The following RCOR1 variants were observed in gnomAD, a reference collection of about 807,000 sequenced individuals.
The protein encoded by RCOR1 is REST corepressor 1, also known as REST corepressor.
Under a neutral mutation model 64.0 loss-of-function variants are expected in RCOR1, and 12 were observed. The observed-to-expected ratio is 0.19, with a 90% CI of 0.12 to 0.30. RCOR1 has a LOEUF of 0.30. Among genes scored for constraint, RCOR1 ranks in the 10% least tolerant of loss-of-function variants. The pLI, the probability that RCOR1 is intolerant of heterozygous loss-of-function variation, is 1.00. For missense variants in RCOR1, 502 were observed against 621.2 expected, an observed-to-expected ratio of 0.81 and a Z score of 2.04; for synonymous variants, 279 against 227.2, an observed-to-expected ratio of 1.23 and a Z score of -2.05.
At chr14:102,612,547 G>T (rs1310459531) in intron 2 of RCOR1, among the ~76,000 whole-genome samples, 1 of 151,890 alleles carries the variant, frequency 6.6e-6, no homozygotes, top group Non-Finnish European at 1.5e-5. Flanking sequence ...TGTTACCCAG[G>T]CTGCTCTTGA....
intron 2 of RCOR1, among the ~76,000 whole-genome samples, chr14:102,617,792 A>G (rs1893792392): frequency 6.6e-6 from 1 of 151,072 alleles, no homozygotes; most frequent in East Asian, 1.9e-4. Flanking sequence ...GTTTCACCAT[A>G]TTGGCCAGAC....
intron 4 of RCOR1, among the ~76,000 whole-genome samples, chr14:102,706,126 A>C (rs1394696955): frequency 3.7e-4 from 54 of 147,876 alleles, no homozygotes; most frequent in Non-Finnish European, 6.6e-4. Context: ...AAAAAAAAAA[A>C]AAAAAAAAAA....
intron 2 of RCOR1, among the ~76,000 whole-genome samples, chr14:102,610,575 G>A (rs1375168059): frequency 1.3e-5 from 2 of 151,954 alleles, no homozygotes; most frequent in Non-Finnish European, 2.9e-5. Context: ...TTATTTTTGT[G>A]TGTGTGTGAC....
At chr14:102,593,477 C>T in intron 2 of RCOR1, 152 bp downstream of exon 2, 4 of 844,160 alleles carry the variant, frequency 4.7e-6, no homozygotes, top group Non-Finnish European at 5.1e-6. Context: ...GACGAGGAGG[C>T]GCACACGCAC....
At chr14:102,658,454 C>T in intron 2 of RCOR1, 1 of 912,076 alleles carries the variant, frequency 1.1e-6, no homozygotes, top group Non-Finnish European at 1.3e-6. Context: ...CACCATTGCA[C>T]TCCAGGCTGG....
At chr14:102,642,569 T>C (rs1352144874) in intron 2 of RCOR1, among the ~76,000 whole-genome samples, 2 of 152,200 alleles carry the variant, frequency 1.3e-5, no homozygotes, top group Non-Finnish European at 2.9e-5. Flanking sequence ...GCATGGTGGC[T>C]CACACCTGTA....
At chr14:102,678,275 C>T (rs1200596146) in intron 2 of RCOR1, among the ~76,000 whole-genome samples, 3 of 152,030 alleles carry the variant, frequency 2.0e-5, no homozygotes, top group Admixed American at 6.5e-5. Flanking sequence ...TTGTGAATAA[C>T]GCTGCCTATG....
intron 2 of RCOR1, chr14:102,658,471 G>A: frequency 1.0e-6 from 1 of 963,732 alleles, no homozygotes; most frequent in Non-Finnish European, 1.2e-6. Context: ...CTGGGTGAGA[G>A]TGAGACTCTG....
chr14:102,716,820 C>G (rs1489656290), intron 8 of RCOR1, among the ~76,000 whole-genome samples: 1 of 152,114 alleles, frequency 6.6e-6, no homozygotes, highest in Non-Finnish European at 1.5e-5. Flanking sequence ...CTTTTACTTT[C>G]CATATAAAAT....
chr14:102,637,241 C>G (rs1407528479), intron 2 of RCOR1, among the ~76,000 whole-genome samples: 1 of 151,346 alleles, frequency 6.6e-6, no homozygotes, highest in Non-Finnish European at 1.5e-5. Flanking sequence ...ATTCTCCTGC[C>G]TCAGCCTCCC....
At chr14:102,655,449 T>C in intron 2 of RCOR1, 1 of 983,922 alleles carries the variant, frequency 1.0e-6, no homozygotes, top group Non-Finnish European at 1.2e-6. Flanking sequence ...TAATTTGCTT[T>C]TGTTTTTGCT....
At position 102,666,286 on chromosome 14, in the gene RCOR1, G is replaced by C. The variant is rs1256163014; in HGVS notation, c.362-15609G>C. 2.6e-5 allele frequency among the ~76,000 whole-genome samples: 4 copies of C among 152,126 alleles called. No individual in the cohort carries two copies. In the East Asian group the frequency reaches 7.7e-4, roughly 29 times the overall value. On this transcript the variant is annotated intron_variant, in intron 2 of 11. Coordinates refer to ENST00000262241, the MANE Select transcript of RCOR1 (RefSeq NM_015156.4). ...ATTATGAAGGGTCTTGCATGCCATGGGTTTTTTCCCTAAAGACAGCGGGGG... is the reference window on the plus strand; with the variant it reads ...ATTATGAAGGGTCTTGCATGCCATGCGTTTTTTCCCTAAAGACAGCGGGGG...
At chr14:102,603,181 A>G (rs1310168558) in intron 2 of RCOR1, among the ~76,000 whole-genome samples, 1 of 151,522 alleles carries the variant, frequency 6.6e-6, no homozygotes, top group Non-Finnish European at 1.5e-5. Flanking sequence ...CTAGGGCTCA[A>G]GTGATCTTCA....
Position 102,592,767 on chromosome 14 carries a change from G to A in RCOR1, c.-120G>A. ...CCTCCCCCGACTCGGACTCGCGCCCGTGGGCTCCCGCCGCGCCCGCCCGGC... is the reference window on the plus strand; with the variant it reads ...CCTCCCCCGACTCGGACTCGCGCCCATGGGCTCCCGCCGCGCCCGCCCGGC... On this transcript the variant is annotated 5_prime_UTR_variant, in exon 1 of 12. The change creates a new upstream start codon in the 5' untranslated region. Coordinates refer to ENST00000262241, the MANE Select transcript of RCOR1 (RefSeq NM_015156.4). 1.7e-6 allele frequency: 2 copies of A among 1,206,828 alleles called. No homozygotes were observed. Among genetic ancestry groups the A allele is most frequent in the Admixed American group, 4.4e-5 (1 of 22,762 alleles). 74.8% of individuals were successfully genotyped at this position (1,206,828 alleles called of 1,614,324 possible).
chr14:102,622,943 T>C (rs1193034842), intron 2 of RCOR1, among the ~76,000 whole-genome samples: 2 of 152,240 alleles, frequency 1.3e-5, no homozygotes, highest in Non-Finnish European at 2.9e-5. Flanking sequence ...ACTCTAGTAA[T>C]GCTTCTTGCC....
chr14:102,726,350 C>T (rs1025901038), intron 11 of RCOR1, 118 bp from the exon 12 acceptor site: 7 of 802,210 alleles, frequency 8.7e-6, no homozygotes, highest in Admixed American at 5.8e-5. Context: ...AAAAAGAACT[C>T]GGTGTTTGCT....
chr14:102,671,686 C>T (rs189120290), intron 2 of RCOR1, among the ~76,000 whole-genome samples: 3 of 152,324 alleles, frequency 2.0e-5, no homozygotes, highest in East Asian at 3.9e-4. Context: ...AACAGCTTTA[C>T]TACAATAAAA....
chr14:102,601,480 G>A (rs1452833112), intron 2 of RCOR1, among the ~76,000 whole-genome samples: 1 of 152,216 alleles, frequency 6.6e-6, no homozygotes, highest in African/African-American at 2.4e-5. Flanking sequence ...GGTTCATTAG[G>A]GTATGCTTGT....
chr14:102,647,248 G>A (rs1239518381), intron 2 of RCOR1, among the ~76,000 whole-genome samples: 1 of 152,216 alleles, frequency 6.6e-6, no homozygotes, highest in African/African-American at 2.4e-5. Context: ...CTGAGAATCT[G>A]TATGACACTA....
Sources: gnomAD v4.1 joint callset for allele counts (sites outside exome capture counted in the v4.1 genomes callset) on GRCh38, gnomAD v4.1.1 for gene constraint, MANE v1.5 for transcripts, NCBI Gene and HGNC (gene_info 2026-07-23, HGNC 2026-07-21) for gene names.